Variants in RPS6KC1 observed in about 807,000 individuals in gnomAD.
RPS6KC1 encodes the protein ribosomal protein S6 kinase C1.
A neutral mutation model predicts 103.8 loss-of-function variants in RPS6KC1; 54 were observed. That is an observed-to-expected ratio of 0.52 (90% CI 0.42 to 0.65). RPS6KC1 has a LOEUF of 0.65. Among genes scored for constraint, RPS6KC1 ranks in the 30% least tolerant of loss-of-function variants. RPS6KC1 has a pLI of 0.00. For synonymous variants in RPS6KC1, 439 were observed against 438.7 expected, an observed-to-expected ratio of 1.00 and a Z score of -0.01; for missense variants, 1,151 against 1,253.8, an observed-to-expected ratio of 0.92 and a Z score of 1.24.
At chr1:213,121,802 G>A (rs1467535392) in intron 5 of RPS6KC1, among the ~76,000 whole-genome samples, 1 of 152,126 alleles carries the variant, frequency 6.6e-6, no homozygotes. Context: ...TGCAGCAAAT[G>A]AGAGAAAATA....
intron 10 of RPS6KC1, among the ~76,000 whole-genome samples, chr1:213,236,517 A>G (rs1282962406): frequency 6.6e-6 from 1 of 152,166 alleles, no homozygotes; most frequent in Non-Finnish European, 1.5e-5. Context: ...GGATTTTAGG[A>G]GAGAGGTTTA....
the RPS6KC1 span, among the ~76,000 whole-genome samples, chr1:213,617,429 G>C: frequency 6.6e-6 from 1 of 152,088 alleles, no homozygotes; most frequent in South Asian, 2.1e-4. Flanking sequence ...GCATCAACCT[G>C]GCCTTATTCT....
the RPS6KC1 span, among the ~76,000 whole-genome samples, chr1:213,703,614 T>C: frequency 1.3e-5 from 2 of 152,144 alleles, no homozygotes; most frequent in African/African-American, 2.4e-5. Flanking sequence ...TATTTTACCC[T>C]ATTCTAGGGT....
At chr1:213,342,056 C>T in the RPS6KC1 span, among the ~76,000 whole-genome samples, 13 of 152,202 alleles carry the variant, frequency 8.5e-5, no homozygotes, top group Non-Finnish European at 1.3e-4. Flanking sequence ...CAGTGTCTCC[C>T]ATGCTCCTCA....
chr1:213,772,616 G>T, the RPS6KC1 span, among the ~76,000 whole-genome samples: 1 of 16,648 alleles, frequency 6.0e-5, no homozygotes, highest in Admixed American at 8.8e-4. Flanking sequence ...GTCCCCTCCC[G>T]GGAAGATGGA....
chr1:213,532,075 A>C, the RPS6KC1 span, among the ~76,000 whole-genome samples: 2 of 152,040 alleles, frequency 1.3e-5, no homozygotes, highest in Non-Finnish European at 2.9e-5. Context: ...TGCCAGGGCT[A>C]GCAGCGCTTA....
At chr1:213,360,061 C>G in the RPS6KC1 span, among the ~76,000 whole-genome samples, 1 of 152,124 alleles carries the variant, frequency 6.6e-6, no homozygotes, top group African/African-American at 2.4e-5. Flanking sequence ...CGAGGAGTAT[C>G]TTTGTGGCGT....
At chr1:213,155,994 G>T (rs1284926281) in intron 6 of RPS6KC1, among the ~76,000 whole-genome samples, 1 of 152,162 alleles carries the variant, frequency 6.6e-6, no homozygotes, top group African/African-American at 2.4e-5. Flanking sequence ...AATTCAAAAT[G>T]TTACCATTCA....
chr1:213,727,673 C>A, the RPS6KC1 span, among the ~76,000 whole-genome samples: 1 of 151,768 alleles, frequency 6.6e-6, no homozygotes, highest in African/African-American at 2.4e-5. Flanking sequence ...GGGAGGGGAC[C>A]AGGCCAGAAA....
At chr1:213,755,228 C>T in the RPS6KC1 span, among the ~76,000 whole-genome samples, 46,138 of 152,016 alleles carry the variant, frequency 0.3, 8,984 homozygotes, top group African/African-American at 0.55. Context: ...AAAGTAATCA[C>T]GGTTTTTGTC....
chr1:213,363,759 CTTCTTTCT>C, the RPS6KC1 span, among the ~76,000 whole-genome samples: 10,910 of 56,478 alleles, frequency 0.19, 1,847 homozygotes, highest in Admixed American at 0.24. Flanking sequence ...CTCTTTCTCT[CTTCTTTCT>C]TTCTTTCTTT....
chr1:213,842,742 T>C, the RPS6KC1 span, among the ~76,000 whole-genome samples: 1 of 152,230 alleles, frequency 6.6e-6, no homozygotes, highest in Non-Finnish European at 1.5e-5. Context: ...TTATCTGCTA[T>C]CAAGTAGACA....
At chr1:213,681,326 C>T in the RPS6KC1 span, among the ~76,000 whole-genome samples, 1 of 152,208 alleles carries the variant, frequency 6.6e-6, no homozygotes, top group Non-Finnish European at 1.5e-5. Context: ...AACAGCCTTT[C>T]CTCTAACAAG....
At chr1:213,237,922 C>T (rs141829605) in intron 10 of RPS6KC1, among the ~76,000 whole-genome samples, 11 of 151,918 alleles carry the variant, frequency 7.2e-5, no homozygotes, top group Admixed American at 3.3e-4. Context: ...GAAGAACGTA[C>T]GGCCCCCAAA....
chr1:213,602,080 C>T, the RPS6KC1 span, among the ~76,000 whole-genome samples: 10 of 36,080 alleles, frequency 2.8e-4, 1 homozygote, highest in African/African-American at 1.8e-3. Flanking sequence ...CTTTCTTTCT[C>T]TTTCTTTCTT....
chr1:213,622,235 C>CTTTTTTT, the RPS6KC1 span, among the ~76,000 whole-genome samples: 1 of 144,874 alleles, frequency 6.9e-6, no homozygotes, highest in Non-Finnish European at 1.5e-5. Context: ...CAAGTAATGT[C>CTTTTTTT]TTTTTTTTTT....
the RPS6KC1 span, among the ~76,000 whole-genome samples, chr1:213,841,844 C>A: frequency 2.4e-4 from 37 of 152,290 alleles, no homozygotes; most frequent in Non-Finnish European, 5.0e-4. Context: ...TCATCAGTGC[C>A]GTCCAAATCA....
At chr1:213,680,776 C>T in the RPS6KC1 span, among the ~76,000 whole-genome samples, 2 of 152,026 alleles carry the variant, frequency 1.3e-5, no homozygotes, top group Admixed American at 6.6e-5. Flanking sequence ...TGCTCAGGGA[C>T]TTTTTGAAGT....
At chr1:213,482,557 T>G in the RPS6KC1 span, among the ~76,000 whole-genome samples, 1 of 126,766 alleles carries the variant, frequency 7.9e-6, no homozygotes. Context: ...TTTTTTTTTT[T>G]TTTTTTTTTT....
Sources: gnomAD v4.1 joint callset for allele counts (sites outside exome capture counted in the v4.1 genomes callset) on GRCh38, gnomAD v4.1.1 for gene constraint, MANE v1.5 for transcripts, NCBI Gene and HGNC (gene_info 2026-07-23, HGNC 2026-07-21) for gene names.